CLTCL1: variants seen among roughly 807,000 people sequenced by gnomAD.
The protein encoded by CLTCL1 is clathrin heavy chain like 1.
A neutral mutation model predicts 190.0 loss-of-function variants in CLTCL1; 159 were observed. That is an observed-to-expected ratio of 0.84 (90% confidence interval 0.74 to 0.95). The LOEUF is 0.95. Ranked by LOEUF, CLTCL1 falls within the 40% of genes least tolerant of loss-of-function variation. The probability of loss-of-function intolerance (pLI) is 0.00; values close to 1 mark genes in which losing one functional copy is unlikely to be tolerated. For synonymous variants in CLTCL1, 752 were observed against 769.6 expected, an observed-to-expected ratio of 0.98 and a Z score of 0.38; for missense variants, 1,878 against 2,033.4, an observed-to-expected ratio of 0.92 and a Z score of 1.47.
At chr22:19,259,919 G>A (rs2086887812) in intron 2 of CLTCL1, among the ~76,000 whole-genome samples, 1 of 152,166 alleles carries the variant, frequency 6.6e-6, no homozygotes. Flanking sequence ...GCCAACTTGT[G>A]AACACAAAGG....
At chr22:19,291,561 G>T (rs1422523724) in intron 1 of CLTCL1, 39 bp downstream of exon 1, 2 of 1,330,700 alleles carry the variant, frequency 1.5e-6, no homozygotes, top group East Asian at 3.2e-5. Flanking sequence ...CGGCGGAGGC[G>T]CGGCTGACAG....
intron 1 of CLTCL1, among the ~76,000 whole-genome samples, chr22:19,287,403 T>C (rs923860723): frequency 6.6e-6 from 1 of 151,122 alleles, no homozygotes; most frequent in African/African-American, 2.4e-5. Flanking sequence ...TAAAGAGGGG[T>C]GAGAGGAGAA....
chr22:19,255,025 T>C (rs919735392), intron 2 of CLTCL1, among the ~76,000 whole-genome samples: 17 of 152,118 alleles, frequency 1.1e-4, no homozygotes, highest in South Asian at 4.1e-4. Context: ...CCCACAAAGA[T>C]TGGGAACAAG....
intron 22 of CLTCL1, among the ~76,000 whole-genome samples, chr22:19,203,425 G>C (rs1486648072): frequency 6.6e-6 from 1 of 152,192 alleles, no homozygotes; most frequent in Admixed American, 6.5e-5. Flanking sequence ...GGGAGTATCT[G>C]TGTGTCTGTA....
At chr22:19,196,204 C>A (rs1555935351) in intron 26 of CLTCL1, 62 bp downstream of exon 26, 1 of 1,556,016 alleles carries the variant, frequency 6.4e-7, no homozygotes, top group Non-Finnish European at 8.7e-7. Context: ...GCCCATTCCC[C>A]TGCACCCAGA....
chr22:19,287,479 AGGAAAGAGCAC>A (rs2087948361), intron 1 of CLTCL1, among the ~76,000 whole-genome samples: 3 of 152,192 alleles, frequency 2.0e-5, no homozygotes, highest in Non-Finnish European at 4.4e-5. Flanking sequence ...TGGGAAGAAC[AGGAAAGAGCAC>A]GTGGGGATCA....
rs781945094 is a variant in CLTCL1 at position 19,187,625 on chromosome 22, T to C, written c.4538A>G (p.Tyr1513Cys). The part of the protein sequence containing the change: ...QLMEFRCIAA[Y>C]LYKGNNWWAQ... ...CCACCAGTTATTGCCCTTGTACAGA[T>C]AGGCCGCAATGCACCTGAACTCCAT... is the stretch of plus-strand genomic sequence containing the variant. Residue 1513 changes from tyrosine (Y) to cysteine (C), a missense_variant, in exon 29 of 33, where the codon TAT (tyrosine) becomes TGT (cysteine). By Grantham distance (194) the Tyr-to-Cys change is radical (BLOSUM62 -2). Coordinates refer to ENST00000427926, the MANE Select transcript of CLTCL1 (RefSeq NM_007098.4). 17 of 1,613,554 alleles carry C rather than the reference T, an allele frequency of 1.1e-5. No homozygotes were observed. In the African/African-American group the frequency reaches 1.2e-4, roughly 11 times the overall value.
chr22:19,233,957 G>C (rs550696391), intron 7 of CLTCL1, among the ~76,000 whole-genome samples: 1 of 152,286 alleles, frequency 6.6e-6, no homozygotes, highest in Non-Finnish European at 1.5e-5. Flanking sequence ...ATGAAGGCTA[G>C]AAATGGTTTG....
intron 3 of CLTCL1, among the ~76,000 whole-genome samples, chr22:19,247,892 T>C (rs2086469421): frequency 6.6e-6 from 1 of 152,006 alleles, no homozygotes; most frequent in Non-Finnish European, 1.5e-5. Context: ...TTAATTGAGA[T>C]ATAATTCACA....
Position 19,179,926 on chromosome 22 carries a change from A to G in CLTCL1, c.*64T>C, listed in dbSNP as rs1555924930. 3 of 514,328 alleles carry G rather than the reference A, an allele frequency of 5.8e-6. No individual in the cohort carries two copies. Among genetic ancestry groups the G allele is most frequent in the South Asian group, 2.3e-5 (1 of 42,994 alleles). The allele number at this position is 514,328 out of a possible 1,614,324, so 31.9% of individuals were successfully genotyped here. ...GGCTGGCGAAGTTGGGAGCAGAGGC[A>G]TATCCATAGGGGAAGCTGGCAGGGG... On this transcript the variant is annotated 3_prime_UTR_variant, in exon 33 of 33. Transcript: ENST00000427926.
intron 11 of CLTCL1, among the ~76,000 whole-genome samples, chr22:19,228,345 G>GC (rs2085817214): frequency 6.6e-6 from 1 of 152,192 alleles, no homozygotes; most frequent in Non-Finnish European, 1.5e-5. Flanking sequence ...GCGTCCTGGG[G>GC]CACTAAGCCA....
intron 22 of CLTCL1, among the ~76,000 whole-genome samples, chr22:19,207,292 C>T (rs1364574732): frequency 2.6e-5 from 4 of 152,290 alleles, no homozygotes; most frequent in African/African-American, 7.2e-5. Context: ...GCTGGGATTA[C>T]AGGCATGAGC....
chr22:19,280,818 CA>C (rs35797654), intron 1 of CLTCL1, among the ~76,000 whole-genome samples: 15,762 of 59,326 alleles, frequency 0.27, 420 homozygotes, highest in East Asian at 0.39. Context: ...GACTCCATCT[CA>C]AAAAAAAAAA....
intron 2 of CLTCL1, among the ~76,000 whole-genome samples, chr22:19,260,909 A>C (rs2086924788): frequency 6.6e-6 from 1 of 151,666 alleles, no homozygotes; most frequent in Non-Finnish European, 1.5e-5. Context: ...TTTAAAACTC[A>C]CTGTTCAGAT....
intron 2 of CLTCL1, among the ~76,000 whole-genome samples, chr22:19,268,661 C>A (rs1343655612): frequency 6.6e-6 from 1 of 152,104 alleles, no homozygotes; most frequent in Non-Finnish European, 1.5e-5. Flanking sequence ...TGCTAGTACA[C>A]AACCACTGGA....
At chr22:19,256,352 A>ATTT in intron 2 of CLTCL1, among the ~76,000 whole-genome samples, 1 of 82,060 alleles carries the variant, frequency 1.2e-5, no homozygotes, top group Non-Finnish European at 2.6e-5. Context: ...TTTTTCTTTT[A>ATTT]TCTTTTTTTT....
chr22:19,263,449 C>G (rs1308776941), intron 2 of CLTCL1, among the ~76,000 whole-genome samples: 1 of 152,086 alleles, frequency 6.6e-6, no homozygotes, highest in Non-Finnish European at 1.5e-5. Flanking sequence ...GAGTCTCACT[C>G]TGTCACCCAG....
chr22:19,193,936 G>C (rs1342679876), intron 26 of CLTCL1, among the ~76,000 whole-genome samples: 1 of 152,184 alleles, frequency 6.6e-6, no homozygotes, highest in African/African-American at 2.4e-5. Context: ...AAAGAACAAA[G>C]CTCCCACAAC....
In CLTCL1 at chr22:19,187,995, C is replaced by G. The variant is rs1137474; in HGVS notation, c.4420G>C (p.Glu1474Gln). The change falls in exon 28 of 33, where the codon GAG becomes CAG. Residue 1474 changes from glutamate (E) to glutamine (Q), a missense_variant. Glu to Gln is a conservative substitution (Grantham distance 29). Transcript: ENST00000427926. ...NEALNHLLTE[E>Q]EDYQGLRASI... ...TGCACACCCACCTGATAGTCCTCCT[C>G]CTCTGTCAGCAGGTGGTTGAGTGCC... 1 of 1,613,952 alleles carries G rather than the reference C, an allele frequency of 6.2e-7. No homozygotes were observed. The highest frequency in any genetic ancestry group is 1.1e-5 in the South Asian group (1 of 91,084).
Sources: allele counts gnomAD v4.1 joint callset (sites outside exome capture counted in the v4.1 genomes callset), GRCh38; gene constraint gnomAD v4.1.1; transcripts MANE v1.5; gene names NCBI Gene and HGNC (gene_info 2026-07-23, HGNC 2026-07-21).